SPATA13: variants seen among roughly 807,000 people sequenced by gnomAD.
The protein encoded by SPATA13 is spermatogenesis-associated protein 13.
Under a neutral mutation model 104.0 loss-of-function variants are expected in SPATA13, and 50 were observed. That is an observed-to-expected ratio of 0.48 (90% confidence interval 0.38 to 0.61). The LOEUF is 0.61. Ranked by LOEUF, SPATA13 falls within the 20% of genes least tolerant of loss-of-function variation. The pLI is 0.00. For missense variants in SPATA13, 1,524 were observed against 1,690.6 expected (o/e 0.90, Z 1.73); for synonymous variants, 606 against 667.5 (o/e 0.91, Z 1.42).
rs536264324 is a variant in SPATA13, at chr13:24,023,409, C to T, written c.-112+5708C>T. Among the ~76,000 whole-genome samples the T allele has an allele frequency of 5.3e-5, 8 of 152,128 alleles. No individual in the cohort carries two copies. In the South Asian group the frequency reaches 1.5e-3, roughly 28 times the overall value. On this transcript the variant is annotated intron_variant, in intron 3 of 14. Transcript: ENST00000424834. The stretch of plus-strand genomic sequence containing the variant: ...CTGATTTGGATACTTTGCTTTTTAT[C>T]TTCTAATTTCAATAGAAAAGTAGGG...
rs369292654 is a variant in SPATA13, at chr13:24,122,647, T to TTTTG, written c.-111-100172_-111-100171insTTTG. ...AGAACCTTTTTGCACATACTGTATATCACTTCAAGATACTTGGTGACAGAC... is the reference window on the plus strand; with the variant it reads ...AGAACCTTTTTGCACATACTGTATATTTTGCACTTCAAGATACTTGGTGACAGAC... On this transcript the variant is annotated intron_variant, in intron 3 of 14. Coordinates refer to the SPATA13 transcript ENST00000424834. 2.3e-3 allele frequency: 2,692 copies of TTTTG among 1,183,658 alleles called. 48 individuals are homozygous for TTTTG. In the African/African-American group the frequency reaches 0.036, roughly 16 times the overall value. 73.3% of individuals were successfully genotyped at this position (1,183,658 alleles called of 1,614,324 possible).
chr13:24,286,752 A>C lies in SPATA13; in HGVS notation c.2482-13A>C. 6.2e-7 allele frequency: 1 copy of C among 1,612,946 alleles called. No homozygotes were observed. The highest frequency in any genetic ancestry group is 1.1e-5 in the South Asian group (1 of 91,000). On this transcript the variant is annotated splice_polypyrimidine_tract_variant and intron_variant, in intron 6 of 12. Coordinates refer to ENST00000382108, the MANE Select transcript of SPATA13 (RefSeq NM_001166271.3). This position sits in a 1 kb window ranked among gnomAD's most constrained non-coding sequence, Gnocchi z 4.9. ...CTGCCCCAAGTCACCTGTCCCCTGTATGTGGGTTGCAGTTGCGAGTGAATC... is the reference window on the plus strand; with the variant it reads ...CTGCCCCAAGTCACCTGTCCCCTGTCTGTGGGTTGCAGTTGCGAGTGAATC...
intron 4 of SPATA13, among the ~76,000 whole-genome samples, chr13:24,253,616 G>C (rs1873625947): frequency 6.6e-6 from 1 of 152,232 alleles, no homozygotes; most frequent in Admixed American, 6.5e-5. Flanking sequence ...TCAATATGTA[G>C]GATGCACCAA....
intron 2 of SPATA13, among the ~76,000 whole-genome samples, chr13:23,999,127 A>G (rs1013032043): frequency 1.3e-5 from 2 of 151,948 alleles, no homozygotes; most frequent in African/African-American, 4.8e-5. Context: ...GGGTTTTGCC[A>G]TGTTGGCCAG....
intron 2 of SPATA13, among the ~76,000 whole-genome samples, chr13:23,986,659 C>A (rs2765148): frequency 0.77 from 116,322 of 151,854 alleles, 44,806 homozygotes; most frequent in Non-Finnish European, 0.8. Context: ...GGATTTCTCA[C>A]CTTTAATTTA....
intron 4 of SPATA13, among the ~76,000 whole-genome samples, chr13:24,281,355 G>A (rs561967601): frequency 6.6e-6 from 1 of 152,306 alleles, no homozygotes; most frequent in South Asian, 2.1e-4. Context: ...GCAGGGGAGT[G>A]GAGGTGGGTA....
intron 4 of SPATA13, among the ~76,000 whole-genome samples, chr13:24,278,996 T>TCCCTC (rs1566188436): frequency 8.5e-5 from 8 of 94,408 alleles, no homozygotes; most frequent in Admixed American, 4.3e-4. Flanking sequence ...CTCCCTCCCT[T>TCCCTC]CCTTCCTTCC....
intron 1 of SPATA13, among the ~76,000 whole-genome samples, chr13:24,220,550 C>G (rs931238923): frequency 6.6e-6 from 1 of 152,236 alleles, no homozygotes; most frequent in Non-Finnish European, 1.5e-5. Flanking sequence ...GTTGAACTTA[C>G]TTTGCAACTG....
At chr13:24,172,782 C>A (rs1182163867) in intron 1 of SPATA13, among the ~76,000 whole-genome samples, 1 of 152,090 alleles carries the variant, frequency 6.6e-6, no homozygotes, top group Non-Finnish European at 1.5e-5. Flanking sequence ...ATTGGATAGA[C>A]CTGATTTTAA....
intron 3 of SPATA13, chr13:24,122,867 T>TA (rs1881083969): frequency 1.3e-6 from 1 of 773,708 alleles, no homozygotes; most frequent in African/African-American, 1.7e-5. Flanking sequence ...CATGCTGTTG[T>TA]AAAACAGTAG....
chr13:23,988,344 C>A (rs571910285), intron 2 of SPATA13, among the ~76,000 whole-genome samples: 2 of 152,286 alleles, frequency 1.3e-5, no homozygotes, highest in South Asian at 2.1e-4. Context: ...GGGTGGTCTT[C>A]ACTGTTTTAA....
intron 2 of SPATA13, among the ~76,000 whole-genome samples, chr13:24,235,202 C>T (rs1158488264): frequency 6.6e-6 from 1 of 152,126 alleles, no homozygotes; most frequent in Non-Finnish European, 1.5e-5. Flanking sequence ...AGTTACAAAC[C>T]AAAGCTACAG....
rs1380063094 is a variant in SPATA13, at chr13:24,011,074, C to T, written c.-146-6593C>T. On this transcript the variant is annotated intron_variant, in intron 2 of 14. Transcript: ENST00000424834. The surrounding 1 kb of genome is among the most constrained non-coding windows in gnomAD (Gnocchi z 4.3). ...CCTGCACTCTGCAGTTTGCTGACTC[C>T]TCTGCAACCTTGGCTTTGGTTTCTC... is the stretch of plus-strand genomic sequence containing the variant. 6.6e-6 allele frequency among the ~76,000 whole-genome samples: 1 copy of T among 152,130 alleles called. No homozygotes were observed. Among genetic ancestry groups the T allele is most frequent in the African/African-American group, 2.4e-5 (1 of 41,434 alleles).
intron 1 of SPATA13, among the ~76,000 whole-genome samples, chr13:24,167,946 A>C (rs1346201920): frequency 3.3e-5 from 5 of 152,200 alleles, no homozygotes; most frequent in Admixed American, 1.3e-4. Flanking sequence ...AGACATAAAC[A>C]TGTTTCTCTC....
chr13:24,062,866 C>T (rs963900710), intron 3 of SPATA13, among the ~76,000 whole-genome samples: 2 of 152,130 alleles, frequency 1.3e-5, no homozygotes. Flanking sequence ...CAGGAAATTA[C>T]TTTGGAAACT....
intron 12 of SPATA13, 47 bp from the exon 13 acceptor site, chr13:24,302,551 C>T: frequency 4.0e-6 from 5 of 1,244,806 alleles, no homozygotes; most frequent in Non-Finnish European, 5.3e-6. Flanking sequence ...TTCTGGTTAA[C>T]AAGCGACCCT....
intron 3 of SPATA13, among the ~76,000 whole-genome samples, chr13:24,118,641 C>T (rs1339152464): frequency 6.6e-6 from 1 of 152,108 alleles, no homozygotes; most frequent in Non-Finnish European, 1.5e-5. Flanking sequence ...CACCAAGTTC[C>T]TGGTGATGCT....
At chr13:24,191,167 C>T (rs1869714048) in intron 1 of SPATA13, among the ~76,000 whole-genome samples, 1 of 152,128 alleles carries the variant, frequency 6.6e-6, no homozygotes. Flanking sequence ...GTAGAGACAG[C>T]ATCTCTCGAT....
At chr13:24,124,435 C>T (rs554511827) in intron 3 of SPATA13, among the ~76,000 whole-genome samples, 10 of 152,112 alleles carry the variant, frequency 6.6e-5, no homozygotes, top group Non-Finnish European at 1.2e-4. Flanking sequence ...AACAGAAGGA[C>T]AAGGTGGATA....
Sources: allele counts gnomAD v4.1 joint callset (sites outside exome capture counted in the v4.1 genomes callset), GRCh38; gene constraint gnomAD v4.1.1; non-coding constraint Gnocchi (gnomAD v3.1); transcripts MANE v1.5; gene names NCBI Gene and HGNC (gene_info 2026-07-23, HGNC 2026-07-21).